The following ASH1L variants were observed in gnomAD, a reference collection of about 807,000 sequenced individuals.
The protein encoded by ASH1L is histone-lysine N-methyltransferase ASH1L.
A neutral mutation model predicts 269.0 loss-of-function variants in ASH1L; 23 were observed. The observed-to-expected ratio is 0.09, with a 90% CI of 0.06 to 0.12. ASH1L has a LOEUF of 0.12. Among genes scored for constraint, ASH1L ranks in the 10% least tolerant of loss-of-function variants. The pLI is 1.00. For missense variants in ASH1L, 2,912 were observed against 3,567.8 expected (o/e 0.82, Z 4.68); for synonymous variants, 1,187 against 1,253.5 (o/e 0.95, Z 1.12).
chr1:155,417,634 G>T (rs1316690405), intron 5 of ASH1L, among the ~76,000 whole-genome samples: 1 of 152,168 alleles, frequency 6.6e-6, no homozygotes, highest in Non-Finnish European at 1.5e-5. Context: ...GTTATCCACT[G>T]TTAGAGGGCT....
chr1:155,466,001 C>T (rs1664663676), intron 3 of ASH1L, among the ~76,000 whole-genome samples: 1 of 152,126 alleles, frequency 6.6e-6, no homozygotes, highest in South Asian at 2.1e-4. Flanking sequence ...TCTGATGCAC[C>T]AACTAAATGC....
Position 155,414,553 on chromosome 1 carries a change from C to T in ASH1L, c.6008+1191G>A, listed in dbSNP as rs550356303. ...CAAACTCCCAACCTCAGGTGATCCA[C>T]CCGCCCTGGCCTCCCAAAGTGTTGG... is the stretch of plus-strand genomic sequence containing the variant. On this transcript the variant is annotated intron_variant, in intron 6 of 27. Coordinates refer to ENST00000392403, the MANE Select transcript of ASH1L (RefSeq NM_018489.3). Among the ~76,000 whole-genome samples the T allele has an allele frequency of 1.5e-4, 23 of 152,312 alleles. 1 individual carries two copies. The South Asian group carries it at 4.3e-3, about 29-fold the overall frequency.
At chr1:155,356,038 A>G (rs1654357636) in intron 15 of ASH1L, among the ~76,000 whole-genome samples, 1 of 151,844 alleles carries the variant, frequency 6.6e-6, no homozygotes, top group African/African-American at 2.4e-5. Flanking sequence ...CCTGGGTTCA[A>G]GCAATTCTCC....
At chr1:155,393,491 T>C (rs909082162) in intron 7 of ASH1L, among the ~76,000 whole-genome samples, 2 of 152,166 alleles carry the variant, frequency 1.3e-5, no homozygotes, top group African/African-American at 4.8e-5. Flanking sequence ...AGCAATTTTG[T>C]TTAAACAAAC....
intron 25 of ASH1L, among the ~76,000 whole-genome samples, chr1:155,339,886 T>C (rs1217543931): frequency 6.6e-6 from 1 of 152,182 alleles, no homozygotes; most frequent in Non-Finnish European, 1.5e-5. Context: ...TTGCAGTATG[T>C]TACGACAGCT....
At chr1:155,524,598 T>C (rs1483630991) in intron 1 of ASH1L, among the ~76,000 whole-genome samples, 1 of 150,490 alleles carries the variant, frequency 6.6e-6, no homozygotes, top group African/African-American at 2.4e-5. Flanking sequence ...TTTGGGAGAC[T>C]AAAGTGGGAG....
intron 5 of ASH1L, among the ~76,000 whole-genome samples, chr1:155,427,500 C>T (rs939455719): frequency 2.6e-5 from 4 of 152,054 alleles, no homozygotes; most frequent in Non-Finnish European, 2.9e-5. Flanking sequence ...GACAGGGTTT[C>T]GCCGTGTTGG....
intron 10 of ASH1L, among the ~76,000 whole-genome samples, chr1:155,375,055 C>T (rs1385211159): frequency 1.3e-4 from 20 of 152,108 alleles, no homozygotes; most frequent in Admixed American, 1.3e-3. Context: ...CTCAAGTGAT[C>T]TGCCTACCTC....
chr1:155,523,503 T>C (rs1433697579), intron 1 of ASH1L, among the ~76,000 whole-genome samples: 1 of 152,006 alleles, frequency 6.6e-6, no homozygotes, highest in Admixed American at 6.6e-5. Flanking sequence ...AGGGAAAAAA[T>C]AGTTGTCTTA....
At chr1:155,525,970 T>A (rs902648809) in intron 1 of ASH1L, among the ~76,000 whole-genome samples, 1 of 152,196 alleles carries the variant, frequency 6.6e-6, no homozygotes, top group African/African-American at 2.4e-5. Context: ...ATATAAATAG[T>A]TATTAAACTG....
At chr1:155,554,313 C>A (rs1305272164) in intron 1 of ASH1L, among the ~76,000 whole-genome samples, 1 of 151,942 alleles carries the variant, frequency 6.6e-6, no homozygotes, top group Non-Finnish European at 1.5e-5. Context: ...ACTCTTCTTG[C>A]CCAGGCTGGA....
At chr1:155,363,761 CCAGGAGTTCGAGA>C (rs1181700553) in intron 12 of ASH1L, among the ~76,000 whole-genome samples, 3 of 151,238 alleles carry the variant, frequency 2.0e-5, no homozygotes, top group Non-Finnish European at 4.4e-5. Flanking sequence ...TCACTTGAGG[CCAGGAGTTCGAGA>C]CCAGCCTGGA....
chr1:155,492,728 T>G (rs527723047), intron 2 of ASH1L, among the ~76,000 whole-genome samples: 1 of 152,088 alleles, frequency 6.6e-6, no homozygotes, highest in South Asian at 2.1e-4. Flanking sequence ...CGTTTGAATA[T>G]TTGAAAACAA....
At chr1:155,341,324 CTG>C (rs1452998908) in intron 25 of ASH1L, among the ~76,000 whole-genome samples, 7 of 152,068 alleles carry the variant, frequency 4.6e-5, no homozygotes, top group Admixed American at 4.6e-4. Context: ...CCACAGGCAC[CTG>C]CCACCACACC....
At chr1:155,509,331 C>T (rs1396959073) in intron 2 of ASH1L, among the ~76,000 whole-genome samples, 1 of 152,016 alleles carries the variant, frequency 6.6e-6, no homozygotes, top group Non-Finnish European at 1.5e-5. Flanking sequence ...GCACCACAGC[C>T]TGGTTAAAAA....
chr1:155,481,243 C>A lies in ASH1L; in HGVS notation c.1627G>T (p.Ala543Ser). The change falls in exon 3 of 28, where the codon GCT (alanine) becomes TCT (serine). Residue 543 changes from alanine to serine, a missense_variant. By Grantham distance (99) the Ala-to-Ser change is moderately conservative (BLOSUM62 1). Transcript: ENST00000392403. The stretch of plus-strand genomic sequence containing the variant: ...CCTACTGCACTGAATGGGGATTTAG[C>A]GGTAGATACATCAGAAGCACCTCCC... Reference protein sequence around the residue: ...KMGGASDVSTAKSPFSAVGES... With the variant: ...KMGGASDVSTSKSPFSAVGES... 6.2e-7 allele frequency: 1 copy of A among 1,613,992 alleles called. No individual in the cohort carries two copies. The highest frequency in any genetic ancestry group is 1.6e-4 in the Middle Eastern group (1 of 6,062).
At chr1:155,357,870 A>T in intron 13 of ASH1L, 121 bp from the exon 14 acceptor site, 1 of 917,344 alleles carries the variant, frequency 1.1e-6, no homozygotes, top group Non-Finnish European at 1.6e-6. Context: ...TCCTGGGCTC[A>T]ACTGATCCTC....
intron 3 of ASH1L, among the ~76,000 whole-genome samples, chr1:155,469,639 C>T (rs1168177380): frequency 6.6e-6 from 1 of 152,220 alleles, no homozygotes; most frequent in Admixed American, 6.5e-5. Context: ...TCCTACAAAA[C>T]AGGCTTGAAA....
Position 155,521,164 on chromosome 1 carries a change from G to C in ASH1L, c.356C>G (p.Pro119Arg), listed in dbSNP as rs375367640. The C allele has an allele frequency of 2.5e-6, 4 of 1,612,792 alleles. No homozygotes were observed. The South Asian group carries it at 4.4e-5, about 18-fold the overall frequency. ...CTTTCCACTTTTAAGTGCTTTCCTT[G>C]GGTGCTTAATAGTTGTTTTTATGGC... ...RPAIKTTIKH[P>R]RKALKSGKMT... The change falls in exon 2 of 28, where the codon CCA becomes CGA. Residue 119 changes from proline to arginine, a missense_variant. Physicochemically the swap from Pro to Arg is moderately radical, Grantham distance 103. Transcript: ENST00000392403.
Sources: allele counts gnomAD v4.1 joint callset (sites outside exome capture counted in the v4.1 genomes callset), GRCh38; gene constraint gnomAD v4.1.1; transcripts MANE v1.5; gene names NCBI Gene and HGNC (gene_info 2026-07-23, HGNC 2026-07-21).